Variants in DHRS7 observed in about 807,000 individuals in gnomAD.
The protein encoded by DHRS7 is dehydrogenase/reductase SDR family member 7.
Under a neutral mutation model 38.9 loss-of-function variants are expected in DHRS7, and 34 were observed. That is an observed-to-expected ratio of 0.87 (90% CI 0.66 to 1.16). DHRS7 has a LOEUF of 1.16. DHRS7 is among the 50% of genes most tolerant of loss of function. DHRS7 has a pLI of 0.00. For synonymous variants in DHRS7, 158 were observed against 153.1 expected, an observed-to-expected ratio of 1.03 and a Z score of -0.24; for missense variants, 421 against 407.0, an observed-to-expected ratio of 1.03 and a Z score of -0.30.
chr14:60,147,399 C>CA (rs1194964454), intron 6 of DHRS7: 2 of 151,860 alleles, frequency 1.3e-5, no homozygotes, highest in African/African-American at 2.4e-5. Context: ...TCACCACACA[C>CA]AAAAAAAGGT....
chr14:60,164,749 G>T (rs923237711), intron 1 of DHRS7, among the ~76,000 whole-genome samples: 1 of 152,186 alleles, frequency 6.6e-6, no homozygotes, highest in African/African-American at 2.4e-5. Flanking sequence ...GTAGTAGAAC[G>T]ACCGGGCTTC....
upstream of DHRS7, among the ~76,000 whole-genome samples, chr14:60,166,457 T>C (rs1243725895): frequency 4.6e-5 from 7 of 151,976 alleles, no homozygotes; most frequent in Non-Finnish European, 1.0e-4. Context: ...AATATGACTT[T>C]AAAACAGTCA....
intron 2 of DHRS7, 67 bp downstream of exon 2, chr14:60,155,933 A>C (rs1245305324): frequency 7.3e-7 from 1 of 1,362,460 alleles, no homozygotes; most frequent in Non-Finnish European, 9.6e-7. Flanking sequence ...TAAAAGTCCC[A>C]AAACTGTATT....
In DHRS7 at chr14:60,148,550, CA is replaced by C. The variant is rs1316063826; in HGVS notation, c.972+802del. Among the ~76,000 whole-genome samples, 3 of 152,238 alleles carry C rather than the reference CA, an allele frequency of 2.0e-5. No individual in the cohort carries two copies. Among genetic ancestry groups the C allele is most frequent in the African/African-American group, 7.2e-5 (3 of 41,550 alleles). On this transcript the variant is annotated intron_variant, in intron 6 of 6. Coordinates refer to ENST00000557185, the MANE Select transcript of DHRS7 (RefSeq NM_016029.4). The surrounding 1 kb of genome is among the most constrained non-coding windows in gnomAD (Gnocchi z 4.8). The stretch of plus-strand genomic sequence containing the variant: ...ATGATAATCAGCATATTTCCTTAGA[CA>C]GGGGAATAGGCACATCTTAGATGTG...
chr14:60,165,459 G>C (rs148172699), upstream of DHRS7: 1,137 of 1,360,766 alleles, frequency 8.4e-4, 6 homozygotes, highest in African/African-American at 0.015. This position sits in a 1 kb window ranked among gnomAD's most constrained non-coding sequence, Gnocchi z 4.6. Flanking sequence ...AGGAGGAGCG[G>C]CTCGGGCGCG....
chr14:60,165,256 G>C lies in DHRS7; in HGVS notation c.54C>G (p.Leu18=), dbSNP rs1292654561. ...WLLVLCALLL[L]LVQLLRFLRA... is the part of the protein sequence containing the mutation. ...TCAGGAAGCGCAGCAGCTGCACCAA[G>C]AGCAGGAGCAGCGCGCACAGCACCA... The change falls in exon 1 of 7, where the codon CTC becomes CTG. Residue 18 remains leucine, a synonymous_variant. Transcript: ENST00000557185. This position sits in a 1 kb window ranked among gnomAD's most constrained non-coding sequence, Gnocchi z 4.6. 1 of 1,607,098 alleles carries C rather than the reference G, an allele frequency of 6.2e-7. No individual in the cohort carries two copies. Among genetic ancestry groups the C allele is most frequent in the Non-Finnish European group, 8.5e-7 (1 of 1,178,522 alleles).
At chr14:60,149,011 C>T (rs1443079359) in intron 6 of DHRS7, 5 of 232,710 alleles carry the variant, frequency 2.1e-5, no homozygotes, top group Non-Finnish European at 3.4e-5. Flanking sequence ...CTCGCTCTAT[C>T]ACCCGGGCTG....
rs61742277 is a variant in DHRS7, at chr14:60,153,092, C to A, written c.480G>T (p.Glu160Asp). 849 of 1,614,198 alleles carry A rather than the reference C, an allele frequency of 5.3e-4. 3 individuals carry two copies. In the African/African-American group the frequency reaches 0.01, roughly 19 times the overall value. ...TSLDVYRKLI[E>D]LNYLGTVSLT... The stretch of plus-strand genomic sequence containing the variant: ...AGGACACCGTCCCTAAGTAGTTAAG[C>A]TCTATTAGCTTTCTGTAGACATCCA... Residue 160 changes from glutamate to aspartate, a missense_variant, in exon 4 of 7, where the codon GAG (glutamate) becomes GAT (aspartate). Coordinates refer to ENST00000557185, the MANE Select transcript of DHRS7 (RefSeq NM_016029.4). This position sits in a 1 kb window ranked among gnomAD's most constrained non-coding sequence, Gnocchi z 4.4.
At chr14:60,166,028 C>G (rs910993625), upstream of DHRS7, among the ~76,000 whole-genome samples, 1 of 152,220 alleles carries the variant, frequency 6.6e-6, no homozygotes, top group Non-Finnish European at 1.5e-5. Flanking sequence ...AAATCCTCCC[C>G]TTACCCAAGC....
intron 1 of DHRS7, among the ~76,000 whole-genome samples, chr14:60,160,301 G>T (rs1226158283): frequency 2.0e-5 from 3 of 148,406 alleles, no homozygotes; most frequent in Non-Finnish European, 4.4e-5. Context: ...GGGCAACAAA[G>T]TGAGACTCTA....
chr14:60,156,289 ATAT>A, intron 1 of DHRS7, 137 bp from the exon 2 acceptor site: 1 of 697,360 alleles, frequency 1.4e-6, no homozygotes, highest in Non-Finnish European at 2.0e-6. Flanking sequence ...AAAATTTGAA[ATAT>A]TCTAAGAAAG....
intron 4 of DHRS7, among the ~76,000 whole-genome samples, chr14:60,151,555 T>G (rs1247512669): frequency 6.7e-6 from 1 of 149,404 alleles, no homozygotes; most frequent in African/African-American, 2.5e-5. Flanking sequence ...AAAAAAAGCT[T>G]GCTAATTGAA....
At chr14:60,149,806 T>C (rs758949019) in intron 5 of DHRS7, among the ~76,000 whole-genome samples, 2 of 152,092 alleles carry the variant, frequency 1.3e-5, no homozygotes, top group Non-Finnish European at 2.9e-5. Context: ...TGAAGATTCT[T>C]TGCTTTTAAT....
chr14:60,154,150 C>A (rs1158774150), intron 2 of DHRS7, 85 bp from the exon 3 acceptor site: 3 of 990,200 alleles, frequency 3.0e-6, no homozygotes, highest in South Asian at 1.4e-5. Context: ...CACCCTGCAA[C>A]AGGACTTGGC....
Position 60,165,112 on chromosome 14 carries a change from C to T in DHRS7, c.133+65G>A, listed in dbSNP as rs999762363. ...GGATCACTGCAGAACCCCCGGAGAC[C>T]CGGACACGCCTCGGCAGCTCCGAGC... On this transcript the variant is annotated intron_variant, in intron 1 of 6. Transcript: ENST00000557185. This position sits in a 1 kb window ranked among gnomAD's most constrained non-coding sequence, Gnocchi z 4.6. The T allele has an allele frequency of 3.7e-5, 59 of 1,588,492 alleles. 1 individual carries two copies. The Admixed American group carries it at 8.2e-4, about 22-fold the overall frequency.
chr14:60,150,276 G>C, intron 4 of DHRS7, 89 bp from the exon 5 acceptor site: 3 of 1,259,840 alleles, frequency 2.4e-6, no homozygotes, highest in Non-Finnish European at 3.2e-6. Context: ...TAAAATGTGT[G>C]AGTAAAGGAC....
intron 1 of DHRS7, among the ~76,000 whole-genome samples, chr14:60,158,234 A>G: frequency 7.2e-6 from 1 of 138,100 alleles, no homozygotes; most frequent in African/African-American, 3.1e-5. Context: ...CTCTGTCGGA[A>G]AAAAAAAAAA....
rs76660935 is a variant in DHRS7, at chr14:60,160,585, C to T, written c.134-4433G>A. ...TAAGCTCGACTAACCTGTTTTTTGGCGGGGGGACGGGGGGAGGGGACAAGG... is the reference window on the plus strand; with the variant it reads ...TAAGCTCGACTAACCTGTTTTTTGGTGGGGGGACGGGGGGAGGGGACAAGG... On this transcript the variant is annotated intron_variant, in intron 1 of 6. Transcript: ENST00000557185. 3.6e-3 allele frequency among the ~76,000 whole-genome samples: 508 copies of T among 141,108 alleles called. 14 individuals carry two copies. The East Asian group carries it at 0.093, about 26-fold the overall frequency. The allele number at this position is 141,108 out of a possible 152,430, so 92.6% of individuals were successfully genotyped here.
intron 6 of DHRS7, chr14:60,147,807 A>AG: frequency 6.6e-6 from 1 of 152,358 alleles, no homozygotes; most frequent in African/African-American, 2.4e-5. Flanking sequence ...GCCTAGCACC[A>AG]GGCTGCATGC....
Sources: allele counts gnomAD v4.1 joint callset (sites outside exome capture counted in the v4.1 genomes callset), GRCh38; gene constraint gnomAD v4.1.1; non-coding constraint Gnocchi (gnomAD v3.1); transcripts MANE v1.5; gene names NCBI Gene and HGNC (gene_info 2026-07-23, HGNC 2026-07-21).